The following ASPH variants were observed in gnomAD, a reference collection of about 807,000 sequenced individuals.
ASPH encodes aspartyl/asparaginyl beta-hydroxylase.
A neutral mutation model predicts 118.4 loss-of-function variants in ASPH; 100 were observed. That is an observed-to-expected ratio of 0.84 (90% CI 0.72 to 1.00). The LOEUF is 1.00. Among genes scored for constraint, ASPH ranks in the 50% least tolerant of loss-of-function variants. The pLI is 0.00. For synonymous variants in ASPH, 315 were observed against 325.6 expected (o/e 0.97, Z 0.35); for missense variants, 920 against 919.5 (o/e 1.00, Z -0.01).
At chr8:61,528,147 AG>A (rs1816182563) in intron 21 of ASPH, among the ~76,000 whole-genome samples, 1 of 152,158 alleles carries the variant, frequency 6.6e-6, no homozygotes, top group Non-Finnish European at 1.5e-5. Flanking sequence ...TCCACCAACT[AG>A]GTTCCATATT....
At chr8:61,528,104 GT>G (rs1816160265) in intron 21 of ASPH, among the ~76,000 whole-genome samples, 1 of 152,160 alleles carries the variant, frequency 6.6e-6, no homozygotes, top group Admixed American at 6.5e-5. Flanking sequence ...GCTTGGCGTT[GT>G]CCTGGTCATT....
At chr8:61,678,904 C>G (rs1245024077) in intron 3 of ASPH, among the ~76,000 whole-genome samples, 2 of 152,092 alleles carry the variant, frequency 1.3e-5, no homozygotes, top group African/African-American at 4.8e-5. Flanking sequence ...CCCCCATAAC[C>G]TCTACCTGAC....
At chr8:61,701,637 G>C (rs1199416447) in intron 1 of ASPH, among the ~76,000 whole-genome samples, 1 of 152,186 alleles carries the variant, frequency 6.6e-6, no homozygotes, top group Non-Finnish European at 1.5e-5. Context: ...CAACTAAACA[G>C]ATGGACCAGC....
chr8:61,524,750 T>C (rs1447038668), intron 22 of ASPH, among the ~76,000 whole-genome samples: 1 of 141,424 alleles, frequency 7.1e-6, no homozygotes, highest in Non-Finnish European at 1.5e-5. Context: ...TTTTATCAAA[T>C]ACTTTTTTTT....
chr8:61,636,032 C>G (rs923258873), intron 12 of ASPH, among the ~76,000 whole-genome samples: 3 of 152,198 alleles, frequency 2.0e-5, no homozygotes, highest in Non-Finnish European at 2.9e-5. Context: ...CTGATCTGTA[C>G]CTATCTCTTT....
At chr8:61,559,461 C>T (rs1829024360) in intron 18 of ASPH, among the ~76,000 whole-genome samples, 1 of 152,130 alleles carries the variant, frequency 6.6e-6, no homozygotes, top group Non-Finnish European at 1.5e-5. Context: ...CTTTCTCTCT[C>T]TCTATAAAAC....
intron 14 of ASPH, among the ~76,000 whole-genome samples, chr8:61,600,730 T>G (rs924711765): frequency 2.0e-5 from 3 of 151,356 alleles, no homozygotes; most frequent in African/African-American, 7.4e-5. Context: ...AGCAAGATAA[T>G]AGATCTAAAT....
At chr8:61,665,314 T>C (rs747941670) in intron 3 of ASPH, 1 of 1,613,542 alleles carries the variant, frequency 6.2e-7, no homozygotes, top group South Asian at 1.1e-5. Flanking sequence ...AACTTCTACT[T>C]TCCTTTCTGT....
intron 3 of ASPH, chr8:61,665,560 A>C (rs2151353235): frequency 6.3e-7 from 1 of 1,592,510 alleles, no homozygotes; most frequent in South Asian, 1.1e-5. Context: ...TCCTTGACTC[A>C]GGTTTCTCTT....
chr8:61,654,643 T>C (rs1319389029), intron 3 of ASPH, among the ~76,000 whole-genome samples: 2 of 152,244 alleles, frequency 1.3e-5, no homozygotes, highest in Non-Finnish European at 2.9e-5. Context: ...TGTCTCTTCA[T>C]GTTTCTTTTA....
chr8:61,542,810 G>A (rs1822434845), intron 21 of ASPH, among the ~76,000 whole-genome samples: 1 of 151,862 alleles, frequency 6.6e-6, no homozygotes, highest in African/African-American at 2.4e-5. Context: ...ACTTCTCCCA[G>A]TTTTTATATA....
At chr8:61,577,244 G>A (rs1026649093) in intron 15 of ASPH, among the ~76,000 whole-genome samples, 2 of 151,344 alleles carry the variant, frequency 1.3e-5, no homozygotes, top group African/African-American at 4.9e-5. Context: ...GTGAACGGGT[G>A]CACCACATCA....
intron 3 of ASPH, among the ~76,000 whole-genome samples, chr8:61,654,101 T>G: frequency 6.6e-6 from 1 of 152,198 alleles, no homozygotes; most frequent in East Asian, 1.9e-4. Flanking sequence ...TTATTCTACT[T>G]GAAAAACAGT....
At chr8:61,551,674 C>T (rs772329601) in intron 20 of ASPH, among the ~76,000 whole-genome samples, 1 of 152,158 alleles carries the variant, frequency 6.6e-6, no homozygotes. Flanking sequence ...TTGCCCTGGA[C>T]TCTGAAATGT....
At chr8:61,583,916 A>G (rs776290890) in intron 15 of ASPH, 28 bp downstream of exon 15, 31 of 1,474,326 alleles carry the variant, frequency 2.1e-5, no homozygotes, top group Non-Finnish European at 2.7e-5. Flanking sequence ...TTAACAACAA[A>G]ACCATTGCAC....
intron 15 of ASPH, chr8:61,578,973 C>T (rs893983115): frequency 3.0e-5 from 48 of 1,610,712 alleles, no homozygotes; most frequent in Middle Eastern, 1.8e-4. Flanking sequence ...GGACAACAGC[C>T]GCTCCCTGGA....
chr8:61,679,944 A>ATAAT (rs58982709), intron 3 of ASPH, among the ~76,000 whole-genome samples: 1 of 133,596 alleles, frequency 7.5e-6, no homozygotes, highest in East Asian at 2.2e-4. Flanking sequence ...GGCAATAATA[A>ATAAT]AAAAAAAAAA....
In ASPH at chr8:61,611,810, CA is replaced by C. The variant is rs556336437; in HGVS notation, c.976+7167del. 1.3e-3 allele frequency among the ~76,000 whole-genome samples: 201 copies of C among 152,180 alleles called. 1 individual carries two copies. The highest frequency in any genetic ancestry group is 2.5e-3 in the Admixed American group (39 of 15,296). ...GACTTTAAACACAGCAATTAAAAGC[CA>C]AAAATCCTGAGCAGAGATATTAGCT... On this transcript the variant is annotated intron_variant, in intron 14 of 24. Transcript: ENST00000379454.
At position 61,668,679 on chromosome 8, in the gene ASPH, CAAA is replaced by C. The variant is rs1284250253; in HGVS notation, c.322+12286_322+12288del. 3.3e-5 allele frequency among the ~76,000 whole-genome samples: 5 copies of C among 152,064 alleles called. 1 individual carries two copies. In the East Asian group the frequency reaches 7.7e-4, roughly 23 times the overall value. ...TCACTACTCAATCACACTTGCCATC[CAAA>C]AAAGGATAGCATATTTTGATAGAGT... On this transcript the variant is annotated intron_variant, in intron 3 of 24. Transcript: ENST00000379454.
Sources: allele counts gnomAD v4.1 joint callset (sites outside exome capture counted in the v4.1 genomes callset), GRCh38; gene constraint gnomAD v4.1.1; transcripts MANE v1.5; gene names NCBI Gene and HGNC (gene_info 2026-07-23, HGNC 2026-07-21).